The following TNR variants were observed in gnomAD, a reference collection of about 807,000 sequenced individuals.
The protein encoded by TNR is tenascin R.
Under a neutral mutation model 150.4 loss-of-function variants are expected in TNR, and 45 were observed. The ratio of observed to expected loss-of-function variants is 0.30; its 90% confidence interval spans 0.24 to 0.38. The LOEUF is 0.38. Ranked by LOEUF, TNR falls within the 10% of genes least tolerant of loss-of-function variation. The pLI is 1.00. For missense variants in TNR, 1,544 were observed against 1,759.1 expected, an observed-to-expected ratio of 0.88 and a Z score of 2.19; for synonymous variants, 687 against 678.4, an observed-to-expected ratio of 1.01 and a Z score of -0.20.
chr1:175,725,098 G>A (rs1289432637), intron 1 of TNR, among the ~76,000 whole-genome samples: 1 of 152,164 alleles, frequency 6.6e-6, no homozygotes, highest in Non-Finnish European at 1.5e-5. Context: ...GGAGTGACAT[G>A]ATCAGATGTA....
At chr1:175,436,512 T>C (rs559405952) in intron 2 of TNR, among the ~76,000 whole-genome samples, 2 of 152,276 alleles carry the variant, frequency 1.3e-5, no homozygotes, top group South Asian at 4.1e-4. Context: ...GACTTCAGGA[T>C]CAAATTCACA....
At chr1:175,642,592 T>A (rs1234182153) in intron 1 of TNR, among the ~76,000 whole-genome samples, 1 of 151,384 alleles carries the variant, frequency 6.6e-6, no homozygotes, top group East Asian at 1.9e-4. Flanking sequence ...GCGGGGAGAG[T>A]GAAGACCTGG....
chr1:175,421,877 T>G (rs1654768874), intron 2 of TNR, among the ~76,000 whole-genome samples: 1 of 152,198 alleles, frequency 6.6e-6, no homozygotes, highest in Non-Finnish European at 1.5e-5. Flanking sequence ...TGTGGGGTTG[T>G]GCCATGAAGG....
At chr1:175,613,311 G>GTTC (rs1220428816) in intron 1 of TNR, among the ~76,000 whole-genome samples, 1 of 152,112 alleles carries the variant, frequency 6.6e-6, no homozygotes, top group Non-Finnish European at 1.5e-5. Context: ...TGTTCTAATG[G>GTTC]TAAAGGCTCC....
chr1:175,375,536 T>C (rs1057510504), intron 9 of TNR, among the ~76,000 whole-genome samples: 2 of 151,826 alleles, frequency 1.3e-5, no homozygotes, highest in Non-Finnish European at 2.9e-5. Context: ...GAGGGCAACA[T>C]TTGTAAAGAG....
At chr1:175,657,015 G>T (rs1032890502) in intron 1 of TNR, among the ~76,000 whole-genome samples, 1 of 152,116 alleles carries the variant, frequency 6.6e-6, no homozygotes, top group East Asian at 1.9e-4. Context: ...GATATAGGAG[G>T]TAAAGTGGTA....
At chr1:175,347,849 A>G (rs1221128522) in intron 18 of TNR, among the ~76,000 whole-genome samples, 1 of 152,232 alleles carries the variant, frequency 6.6e-6, no homozygotes, top group Non-Finnish European at 1.5e-5. Context: ...GAATGCAACT[A>G]AAGTCAATGT....
intron 1 of TNR, among the ~76,000 whole-genome samples, chr1:175,538,199 AC>A (rs1487948505): frequency 6.6e-6 from 1 of 152,138 alleles, no homozygotes; most frequent in African/African-American, 2.4e-5. Flanking sequence ...GCAGATGACA[AC>A]CTGTGGAAAA....
Position 175,342,558 on chromosome 1 carries a change from A to G in TNR, c.3383-4879T>C, listed in dbSNP as rs79077316. On this transcript the variant is annotated intron_variant, in intron 18 of 22. Coordinates refer to ENST00000367674, the MANE Select transcript of TNR (RefSeq NM_003285.3). ...ACTTTAAGCTCAACTTGTTAGAAAG[A>G]CCATTCTCAGTGCAATGTGGAGAAT... Among the ~76,000 whole-genome samples, 641 of 152,298 alleles carry G rather than the reference A, an allele frequency of 4.2e-3. 6 individuals carry two copies. The highest frequency in any genetic ancestry group is 0.015 in the African/African-American group (625 of 41,550).
chr1:175,410,328 C>T (rs954778988), intron 2 of TNR, among the ~76,000 whole-genome samples: 3 of 152,234 alleles, frequency 2.0e-5, no homozygotes, highest in Admixed American at 6.5e-5. Context: ...GGTCACTGTT[C>T]TCAAATGCAT....
intron 1 of TNR, among the ~76,000 whole-genome samples, chr1:175,616,575 G>C (rs536507706): frequency 3.9e-5 from 6 of 152,324 alleles, no homozygotes; most frequent in Non-Finnish European, 7.3e-5. Context: ...AATCAAACAG[G>C]TGGTGTTCAG....
In TNR at chr1:175,379,670, A is replaced by G. The variant is rs1192249960; in HGVS notation, c.1845T>C (p.Asp615=). ...RTATSLDLEW[D]NSEAEVQEYK... ...ACTCCTGAACTTCGGCTTCACTGTTATCCCACTCGAGGTCAAGGCTGGTTG... is the reference window on the plus strand; with the variant it reads ...ACTCCTGAACTTCGGCTTCACTGTTGTCCCACTCGAGGTCAAGGCTGGTTG... The change falls in exon 9 of 23, where the codon GAT becomes GAC. Residue 615 remains aspartate, a synonymous_variant. Transcript: ENST00000367674. 3 of 1,614,190 alleles carry G rather than the reference A, an allele frequency of 1.9e-6. No individual in the cohort carries two copies. The highest frequency in any genetic ancestry group is 2.7e-5 in the African/African-American group (2 of 75,052).
chr1:175,395,044 G>A (rs1365567802), intron 5 of TNR, among the ~76,000 whole-genome samples: 4 of 148,202 alleles, frequency 2.7e-5, no homozygotes, highest in Non-Finnish European at 6.0e-5. Flanking sequence ...CAGTTCTCAG[G>A]CACCAGAGGA....
chr1:175,372,847 GA>G (rs1369311012), intron 9 of TNR, among the ~76,000 whole-genome samples: 1 of 152,176 alleles, frequency 6.6e-6, no homozygotes, highest in African/African-American at 2.4e-5. Context: ...TCAAGTCTAT[GA>G]AACTGAGGTT....
intron 2 of TNR, among the ~76,000 whole-genome samples, chr1:175,429,538 G>A (rs1259580227): frequency 1.3e-5 from 2 of 152,182 alleles, no homozygotes; most frequent in Non-Finnish European, 2.9e-5. Context: ...CATGATCAGT[G>A]TTCAGTAACT....
intron 1 of TNR, among the ~76,000 whole-genome samples, chr1:175,610,394 T>C (rs1663555198): frequency 6.6e-6 from 1 of 152,216 alleles, no homozygotes; most frequent in African/African-American, 2.4e-5. Context: ...CATTGCTTCA[T>C]GAAGGATTAG....
intron 2 of TNR, among the ~76,000 whole-genome samples, chr1:175,489,839 G>A (rs77576459): frequency 0.019 from 2,836 of 152,018 alleles, 43 homozygotes; most frequent in South Asian, 0.042. Flanking sequence ...AACTTCAACC[G>A]AAAGAACTAT....
At chr1:175,659,843 G>A (rs1304785519) in intron 1 of TNR, among the ~76,000 whole-genome samples, 1 of 151,876 alleles carries the variant, frequency 6.6e-6, no homozygotes, top group Admixed American at 6.6e-5. Flanking sequence ...TGGTGGGGAG[G>A]AGGGCCTGTT....
intron 2 of TNR, among the ~76,000 whole-genome samples, chr1:175,422,543 G>A (rs1278702602): frequency 6.6e-6 from 1 of 152,204 alleles, no homozygotes; most frequent in African/African-American, 2.4e-5. Context: ...GTGGCCCCGA[G>A]AGGGCTGGGA....
Sources: allele counts gnomAD v4.1 joint callset (sites outside exome capture counted in the v4.1 genomes callset), GRCh38; gene constraint gnomAD v4.1.1; transcripts MANE v1.5; gene names NCBI Gene and HGNC (gene_info 2026-07-23, HGNC 2026-07-21).